The following UBE2E2 variants were observed in gnomAD, a reference collection of about 807,000 sequenced individuals.
The protein encoded by UBE2E2 is ubiquitin-conjugating enzyme E2 E2.
In UBE2E2, 6 loss-of-function variants were observed where a neutral mutation model predicts 24.7. The observed-to-expected ratio is 0.24, with a 90% CI of 0.13 to 0.48. The LOEUF (loss-of-function observed/expected upper bound fraction) is 0.48. UBE2E2 is among the 20% of genes least tolerant of loss of function. The probability of loss-of-function intolerance (pLI) is 0.99; values close to 1 mark genes in which losing one functional copy is unlikely to be tolerated. For synonymous variants in UBE2E2, 104 were observed against 83.6 expected (o/e 1.24, Z -1.33); for missense variants, 169 against 245.0 (o/e 0.69, Z 2.07).
chr3:23,540,362 A>G (rs1695364590), intron 5 of UBE2E2, among the ~76,000 whole-genome samples: 1 of 151,828 alleles, frequency 6.6e-6, no homozygotes, highest in South Asian at 2.1e-4. Flanking sequence ...TGTGGAAGAT[A>G]AGCCACTGAG....
intron 3 of UBE2E2, among the ~76,000 whole-genome samples, chr3:23,255,986 A>G (rs1338502357): frequency 6.6e-6 from 1 of 152,190 alleles, no homozygotes; most frequent in Non-Finnish European, 1.5e-5. Flanking sequence ...AAAAATAAAT[A>G]AAAGACAGCT....
chr3:23,544,068 T>C (rs530646906), intron 5 of UBE2E2, among the ~76,000 whole-genome samples: 1 of 152,132 alleles, frequency 6.6e-6, no homozygotes, highest in Non-Finnish European at 1.5e-5. Context: ...CAACTTAAGA[T>C]GGATTAAAGA....
chr3:23,352,298 A>C, intron 3 of UBE2E2, among the ~76,000 whole-genome samples: 1 of 152,176 alleles, frequency 6.6e-6, no homozygotes, highest in Non-Finnish European at 1.5e-5. Context: ...TCCAAAATTG[A>C]CACCCTAACA....
intron 5 of UBE2E2, among the ~76,000 whole-genome samples, chr3:23,545,546 G>A (rs1463975662): frequency 6.6e-6 from 1 of 152,150 alleles, no homozygotes; most frequent in Non-Finnish European, 1.5e-5. Context: ...GAATTTTTTA[G>A]TACAGAACAA....
intron 3 of UBE2E2, among the ~76,000 whole-genome samples, chr3:23,408,316 A>T (rs1458818554): frequency 6.6e-6 from 1 of 152,186 alleles, no homozygotes; most frequent in African/African-American, 2.4e-5. Context: ...TCCAAAGGAC[A>T]TTCATTTTAG....
chr3:23,315,021 G>C (rs1694531539), intron 3 of UBE2E2, among the ~76,000 whole-genome samples: 1 of 152,052 alleles, frequency 6.6e-6, no homozygotes, highest in Admixed American at 6.5e-5. Flanking sequence ...TTTGTTATTA[G>C]CCCTTTGAAT....
chr3:23,278,006 C>T (rs1698407647), intron 3 of UBE2E2, among the ~76,000 whole-genome samples: 1 of 152,042 alleles, frequency 6.6e-6, no homozygotes, highest in African/African-American at 2.4e-5. Flanking sequence ...ACTAATAAAA[C>T]TCAAGTGAAT....
At chr3:23,575,982 T>C (rs1171986892) in intron 5 of UBE2E2, among the ~76,000 whole-genome samples, 1 of 152,096 alleles carries the variant, frequency 6.6e-6, no homozygotes, top group Non-Finnish European at 1.5e-5. Flanking sequence ...AAAATGCGAG[T>C]TGCAGAATGT....
At chr3:23,204,619 G>T in intron 1 of UBE2E2, 1 of 914,918 alleles carries the variant, frequency 1.1e-6, no homozygotes, top group Non-Finnish European at 1.3e-6. Flanking sequence ...TTGGAATTCT[G>T]TATGTGGGCT....
At chr3:23,330,997 C>G (rs1695044430) in intron 3 of UBE2E2, among the ~76,000 whole-genome samples, 1 of 151,870 alleles carries the variant, frequency 6.6e-6, no homozygotes, top group Admixed American at 6.6e-5. Flanking sequence ...TTGCTTTTTT[C>G]TTTTTTAAAA....
rs1013963444 is a variant in UBE2E2 at position 23,544,893 on chromosome 3, A to G, written c.508+12192A>G. Among the ~76,000 whole-genome samples, 3 of 152,188 alleles carry G rather than the reference A, an allele frequency of 2.0e-5. No individual in the cohort carries two copies. The East Asian group carries it at 5.8e-4, about 29-fold the overall frequency. On this transcript the variant is annotated intron_variant, in intron 5 of 5. Coordinates refer to ENST00000396703, the MANE Select transcript of UBE2E2 (RefSeq NM_152653.4). ...GGATGTGTCAGGGTCACAAGACAAT[A>G]GTGGGGAGAGGGTCAGCAGACAAAC...
intron 5 of UBE2E2, among the ~76,000 whole-genome samples, chr3:23,559,983 T>G (rs549989292): frequency 1.3e-5 from 2 of 152,300 alleles, no homozygotes; most frequent in African/African-American, 4.8e-5. Flanking sequence ...GTTCAGTATC[T>G]GTCTTAAGAT....
At chr3:23,418,924 C>T (rs1167466976) in intron 3 of UBE2E2, among the ~76,000 whole-genome samples, 1 of 150,988 alleles carries the variant, frequency 6.6e-6, no homozygotes, top group East Asian at 1.9e-4. Flanking sequence ...CCACCTGTTC[C>T]AGTCTTTCTG....
chr3:23,295,488 AC>A (rs1698885119), intron 3 of UBE2E2, among the ~76,000 whole-genome samples: 1 of 152,226 alleles, frequency 6.6e-6, no homozygotes, highest in South Asian at 2.1e-4. Context: ...TCTCTGTCCA[AC>A]GGGGACAACA....
rs149875645 is a variant in UBE2E2, at chr3:23,332,826, G to A, written c.227+115514G>A. The stretch of plus-strand genomic sequence containing the variant: ...TCACTTCTAGATGCCAACCAAATGT[G>A]TGTCACTAAGACTTGAAATCATTTT... On this transcript the variant is annotated intron_variant, in intron 3 of 5. Coordinates refer to ENST00000396703, the MANE Select transcript of UBE2E2 (RefSeq NM_152653.4). Among the ~76,000 whole-genome samples, 149 of 152,190 alleles carry A rather than the reference G, an allele frequency of 9.8e-4. 3 individuals carry two copies. In the East Asian group the frequency reaches 0.025, roughly 25 times the overall value.
At chr3:23,336,689 G>C (rs893367839) in intron 3 of UBE2E2, among the ~76,000 whole-genome samples, 1 of 152,170 alleles carries the variant, frequency 6.6e-6, no homozygotes, top group African/African-American at 2.4e-5. Flanking sequence ...GATAGTTAAC[G>C]AAATCCAATA....
At chr3:23,354,093 A>G (rs1052466390) in intron 3 of UBE2E2, among the ~76,000 whole-genome samples, 12 of 152,298 alleles carry the variant, frequency 7.9e-5, no homozygotes, top group Admixed American at 1.3e-4. Flanking sequence ...CATATCTACA[A>G]CTATCTGATC....
Position 23,590,071 on chromosome 3 carries a change from AT to A in UBE2E2, c.*243del. 1 of 426,092 alleles carries A rather than the reference AT, an allele frequency of 2.3e-6. No homozygotes were observed. The allele number at this position is 426,092 out of a possible 1,614,324, so 26.4% of individuals were successfully genotyped here. A position where few individuals can be genotyped will look rare whatever the true frequency, so the allele number is the denominator to read the frequency against. On this transcript the variant is annotated 3_prime_UTR_variant, in exon 6 of 6. Coordinates refer to ENST00000396703, the MANE Select transcript of UBE2E2 (RefSeq NM_152653.4). ...TTGTTGATTTCTGTTAACTTGAAAG[AT>A]TTGGGATTTTTTCCCACCTCATCAT...
At chr3:23,524,288 A>T (rs1307269247) in intron 4 of UBE2E2, among the ~76,000 whole-genome samples, 2 of 152,112 alleles carry the variant, frequency 1.3e-5, no homozygotes, top group Non-Finnish European at 2.9e-5. Flanking sequence ...TTTTATTTAT[A>T]TATGGAGTCT....
Sources: allele counts gnomAD v4.1 joint callset (sites outside exome capture counted in the v4.1 genomes callset), GRCh38; gene constraint gnomAD v4.1.1; transcripts MANE v1.5; gene names NCBI Gene and HGNC (gene_info 2026-07-23, HGNC 2026-07-21).